The following FAXDC2 variants were observed in gnomAD, a reference collection of about 807,000 sequenced individuals.
FAXDC2 encodes fatty acid hydroxylase domain-containing protein 2.
In FAXDC2, 41 loss-of-function variants were observed where a neutral mutation model predicts 40.9. The observed-to-expected ratio is 1.00, with a 90% CI of 0.78 to 1.30. FAXDC2 has a LOEUF of 1.30. FAXDC2 is among the 50% of genes most tolerant of loss of function. The pLI, the probability that FAXDC2 is intolerant of heterozygous loss-of-function variation, is 0.00. For synonymous variants in FAXDC2, 157 were observed against 149.3 expected, an observed-to-expected ratio of 1.05 and a Z score of -0.38; for missense variants, 390 against 408.8, an observed-to-expected ratio of 0.95 and a Z score of 0.40.
At chr5:154,827,398 TAA>T (rs1462993174) in intron 5 of FAXDC2, among the ~76,000 whole-genome samples, 1 of 150,626 alleles carries the variant, frequency 6.6e-6, no homozygotes, top group East Asian at 1.9e-4. Context: ...CTTTGCTAGT[TAA>T]GAGTTGTTTT....
intron 8 of FAXDC2, 37 bp downstream of exon 8, chr5:154,821,223 G>T (rs371607016): frequency 1.5e-5 from 23 of 1,557,438 alleles, no homozygotes; most frequent in Non-Finnish European, 2.0e-5. Flanking sequence ...GGTGATGGTT[G>T]TTGCCTAGGG....
intron 5 of FAXDC2, among the ~76,000 whole-genome samples, chr5:154,825,788 T>C (rs1357913737): frequency 1.3e-5 from 2 of 151,916 alleles, no homozygotes; most frequent in East Asian, 3.9e-4. Context: ...TTAATAGGGT[T>C]CCTGGATAGA....
At chr5:154,829,785 G>C (rs890664587) in intron 5 of FAXDC2, among the ~76,000 whole-genome samples, 1 of 152,222 alleles carries the variant, frequency 6.6e-6, no homozygotes, top group Non-Finnish European at 1.5e-5. Context: ...TTAGTCAGTG[G>C]TGCTACAACA....
intron 2 of FAXDC2, among the ~76,000 whole-genome samples, chr5:154,835,741 C>A (rs1760327417): frequency 6.6e-6 from 1 of 151,764 alleles, no homozygotes; most frequent in African/African-American, 2.4e-5. Flanking sequence ...CCACCACACC[C>A]GGCTAATTTT....
intron 5 of FAXDC2, 78 bp downstream of exon 5, chr5:154,830,723 G>A (rs1340130318): frequency 6.4e-7 from 1 of 1,567,692 alleles, no homozygotes; most frequent in Non-Finnish European, 8.8e-7. Flanking sequence ...TCTCTCCTGG[G>A]CCAGTGGTGA....
chr5:154,840,701 C>T (rs1311243122), intron 1 of FAXDC2, among the ~76,000 whole-genome samples: 1 of 152,126 alleles, frequency 6.6e-6, no homozygotes, highest in Non-Finnish European at 1.5e-5. Flanking sequence ...CAGGCACATA[C>T]CACCATACCC....
At position 154,848,756 on chromosome 5, in the gene FAXDC2, C is replaced by T. The variant is rs535046743; in HGVS notation, c.-1+1727G>A. On this transcript the variant is annotated intron_variant, in intron 1 of 8. Coordinates refer to ENST00000326080, the MANE Select transcript of FAXDC2 (RefSeq NM_032385.5). ...CCGAGGTGGGCAGATCACCTGAGGT[C>T]AGGAGTTTGAGACCAGCCTGGCCAA... Among the ~76,000 whole-genome samples, 9 of 152,284 alleles carry T rather than the reference C, an allele frequency of 5.9e-5. No individual in the cohort carries two copies. In the East Asian group the frequency reaches 7.7e-4, roughly 13 times the overall value.
At chr5:154,840,254 T>G (rs1267039260) in intron 1 of FAXDC2, among the ~76,000 whole-genome samples, 1 of 151,148 alleles carries the variant, frequency 6.6e-6, no homozygotes, top group Non-Finnish European at 1.5e-5. Context: ...TTTTTTTTAT[T>G]ATTATTTTTA....
chr5:154,834,406 G>T (rs868065450), intron 4 of FAXDC2, among the ~76,000 whole-genome samples: 1 of 152,102 alleles, frequency 6.6e-6, no homozygotes, highest in Non-Finnish European at 1.5e-5. Flanking sequence ...TCTATATTTT[G>T]GGAGGAGTCT....
At chr5:154,835,430 A>G (rs1760316920) in intron 2 of FAXDC2, among the ~76,000 whole-genome samples, 2 of 152,208 alleles carry the variant, frequency 1.3e-5, no homozygotes, top group Admixed American at 6.5e-5. Context: ...TGAGATAGTC[A>G]TCATAGCAGC....
intron 5 of FAXDC2, among the ~76,000 whole-genome samples, chr5:154,825,451 G>T (rs1582521804): frequency 6.6e-6 from 1 of 151,848 alleles, no homozygotes; most frequent in African/African-American, 2.4e-5. Flanking sequence ...GAGGTCAGGA[G>T]TTTGAGACCA....
chr5:154,822,575 A>G lies in FAXDC2; in HGVS notation c.575T>C (p.Leu192Pro). 6.2e-7 allele frequency: 1 copy of G among 1,612,384 alleles called. No homozygotes were observed. The highest frequency in any genetic ancestry group is 8.5e-7 in the Non-Finnish European group (1 of 1,178,402). Residue 192 changes from leucine (L) to proline (P), a missense_variant and splice_region_variant, in exon 7 of 9, where the codon CTC becomes CCC. Physicochemically the swap from Leu to Pro is moderately conservative, Grantham distance 98 (BLOSUM62 -3). Transcript: ENST00000326080. ...EEVLFYYSHR[L>P]LHHPTFYKKI... ...CTTGTAGAATGTTGGGTGGTGAAGG[A>G]GCCTGGGGAAATAGTTAATAGTTAA...
At chr5:154,834,569 A>C in intron 4 of FAXDC2, 56 bp downstream of exon 4, 1 of 1,224,312 alleles carries the variant, frequency 8.2e-7, no homozygotes, top group Non-Finnish European at 1.2e-6. Context: ...CAACAAAAAG[A>C]ATTAAGTTAT....
intron 1 of FAXDC2, among the ~76,000 whole-genome samples, chr5:154,847,418 C>T (rs1052121213): frequency 4.6e-5 from 7 of 151,770 alleles, no homozygotes; most frequent in Non-Finnish European, 5.9e-5. Context: ...GGAATACAGA[C>T]GGTTTAATCT....
intron 1 of FAXDC2, among the ~76,000 whole-genome samples, chr5:154,850,038 G>C (rs1193286805): frequency 6.6e-6 from 1 of 152,192 alleles, no homozygotes; most frequent in Non-Finnish European, 1.5e-5. Flanking sequence ...TACCTTCCTG[G>C]TGATGGCAGA....
At chr5:154,838,427 A>G in intron 1 of FAXDC2, 1 of 485,788 alleles carries the variant, frequency 2.1e-6, no homozygotes, top group Non-Finnish European at 3.6e-6. Flanking sequence ...TAGGTCTACC[A>G]ACTACAAAAA....
intron 4 of FAXDC2, among the ~76,000 whole-genome samples, chr5:154,831,931 A>G (rs1760202933): frequency 6.6e-6 from 1 of 152,190 alleles, no homozygotes; most frequent in African/African-American, 2.4e-5. Flanking sequence ...GACTAAACAG[A>G]TTAGAGTATT....
intron 5 of FAXDC2, chr5:154,830,469 C>T: frequency 4.3e-6 from 1 of 230,030 alleles, no homozygotes; most frequent in Non-Finnish European, 8.8e-6. Flanking sequence ...AGCATCCACC[C>T]ATTGCTGTCT....
At chr5:154,837,384 C>G (rs1760376895) in intron 2 of FAXDC2, among the ~76,000 whole-genome samples, 1 of 152,078 alleles carries the variant, frequency 6.6e-6, no homozygotes, top group South Asian at 2.1e-4. Flanking sequence ...CAGCCTTAGT[C>G]TCCCAAAGTG....
Sources: allele counts gnomAD v4.1 joint callset (sites outside exome capture counted in the v4.1 genomes callset), GRCh38; gene constraint gnomAD v4.1.1; transcripts MANE v1.5; gene names NCBI Gene and HGNC (gene_info 2026-07-23, HGNC 2026-07-21).